Variants in TENM3 observed in about 807,000 individuals in gnomAD.
TENM3 encodes teneurin-3.
A neutral mutation model predicts 255.1 loss-of-function variants in TENM3; 63 were observed. The ratio of observed to expected loss-of-function variants is 0.25; its 90% CI spans 0.20 to 0.30. The LOEUF is 0.30. Among genes scored for constraint, TENM3 ranks in the 10% least tolerant of loss-of-function variants. The pLI is 1.00. For synonymous variants in TENM3, 1,306 were observed against 1,322.3 expected, an observed-to-expected ratio of 0.99 and a Z score of 0.27; for missense variants, 2,929 against 3,461.1, an observed-to-expected ratio of 0.85 and a Z score of 3.86.
At chr4:182,196,440 C>A (rs1015100344) in intron 1 of TENM3, among the ~76,000 whole-genome samples, 2 of 152,062 alleles carry the variant, frequency 1.3e-5, no homozygotes, top group Non-Finnish European at 2.9e-5. Context: ...ATCTGAGAGG[C>A]AGGAAGTGAG....
intron 3 of TENM3, among the ~76,000 whole-genome samples, chr4:182,488,288 G>C (rs1376635616): frequency 6.6e-6 from 1 of 151,968 alleles, no homozygotes; most frequent in Non-Finnish European, 1.5e-5. Flanking sequence ...ATCGAAAGAG[G>C]GTTCTAAAAA....
rs753478790 is a variant in TENM3, at chr4:182,261,728, C to T, written c.-76+18252C>T. On this transcript the variant is annotated intron_variant, in intron 1 of 27. Transcript: ENST00000511685. ...ACCAAGACCACTTTGCTGATGCTCC[C>T]GCTTGCCCAGTCCTAACGCACCAGG... Among the ~76,000 whole-genome samples, 5 of 152,332 alleles carry T rather than the reference C, an allele frequency of 3.3e-5. No individual in the cohort carries two copies. The South Asian group carries it at 6.2e-4, about 19-fold the overall frequency.
At chr4:182,536,432 A>G (rs1740326177) in intron 3 of TENM3, among the ~76,000 whole-genome samples, 2 of 152,250 alleles carry the variant, frequency 1.3e-5, no homozygotes, top group South Asian at 2.1e-4. Context: ...TAGGCATGCC[A>G]TGCTTTTTAG....
At chr4:181,812,685 G>C in the TENM3 span, among the ~76,000 whole-genome samples, 10 of 152,164 alleles carry the variant, frequency 6.6e-5, no homozygotes, top group South Asian at 6.2e-4. Context: ...GGACAGCTGA[G>C]CTGGGGTCTT....
At chr4:182,217,831 A>C (rs1458100050) in intron 1 of TENM3, among the ~76,000 whole-genome samples, 1 of 152,206 alleles carries the variant, frequency 6.6e-6, no homozygotes, top group Non-Finnish European at 1.5e-5. Flanking sequence ...AAAACAATGA[A>C]TAATAATGTT....
chr4:182,621,626 A>T lies in TENM3; in HGVS notation c.750-7025A>T, dbSNP rs1193697022. ...AAAAATATATATAAATATATATATA[A>T]AATATATAATATATAATACATATTA... On this transcript the variant is annotated intron_variant, in intron 4 of 27. Coordinates refer to ENST00000511685, the MANE Select transcript of TENM3 (RefSeq NM_001080477.4). Among the ~76,000 whole-genome samples, 7 of 37,498 alleles carry T rather than the reference A, an allele frequency of 1.9e-4. 1 individual carries two copies. Among genetic ancestry groups the T allele is most frequent in the East Asian group, 1.4e-3 (3 of 2,198 alleles). The allele number at this position is 37,498 out of a possible 152,430, so 24.6% of individuals were successfully genotyped here.
the TENM3 span, among the ~76,000 whole-genome samples, chr4:181,459,267 T>C: frequency 1.3e-5 from 2 of 151,886 alleles, no homozygotes; most frequent in Non-Finnish European, 2.9e-5. Flanking sequence ...TATGGAGTTC[T>C]TTCTATATGT....
chr4:181,984,583 C>G, the TENM3 span, among the ~76,000 whole-genome samples: 1 of 151,648 alleles, frequency 6.6e-6, no homozygotes, highest in African/African-American at 2.4e-5. Context: ...AAAAAAAAAG[C>G]CTTTTGCAAA....
intron 19 of TENM3, among the ~76,000 whole-genome samples, chr4:182,750,368 T>C (rs531040550): frequency 1.3e-5 from 2 of 152,238 alleles, no homozygotes; most frequent in East Asian, 1.9e-4. Flanking sequence ...TATTTCTCTG[T>C]ATACTAACAT....
chr4:182,363,339 A>G (rs534617191), intron 3 of TENM3, among the ~76,000 whole-genome samples: 22 of 152,136 alleles, frequency 1.4e-4, no homozygotes, highest in African/African-American at 5.3e-4. Flanking sequence ...ACATATTCAT[A>G]TATGTGTGTA....
chr4:182,068,999 A>C, the TENM3 span, among the ~76,000 whole-genome samples: 1 of 152,180 alleles, frequency 6.6e-6, no homozygotes, highest in East Asian at 1.9e-4. Flanking sequence ...AAATTAGAAG[A>C]ATATGATAGA....
the TENM3 span, among the ~76,000 whole-genome samples, chr4:182,058,413 G>T: frequency 6.6e-6 from 1 of 152,052 alleles, no homozygotes; most frequent in Non-Finnish European, 1.5e-5. Context: ...TAGGTGATAT[G>T]TTGACTCCAT....
At chr4:181,500,018 T>C in the TENM3 span, among the ~76,000 whole-genome samples, 3 of 151,982 alleles carry the variant, frequency 2.0e-5, no homozygotes, top group South Asian at 2.1e-4. Flanking sequence ...ACTGAAACTT[T>C]TGATGAAACA....
At chr4:182,224,733 A>T (rs546328123) in intron 1 of TENM3, among the ~76,000 whole-genome samples, 40 of 148,706 alleles carry the variant, frequency 2.7e-4, no homozygotes, top group African/African-American at 9.4e-4. Flanking sequence ...TTTCAGTCAG[A>T]TATCTTTTTT....
At chr4:182,516,582 G>A (rs1000380992) in intron 3 of TENM3, among the ~76,000 whole-genome samples, 10 of 152,206 alleles carry the variant, frequency 6.6e-5, no homozygotes, top group South Asian at 2.1e-4. Flanking sequence ...AGTCTGTAAC[G>A]TGTAAGCAGA....
the TENM3 span, among the ~76,000 whole-genome samples, chr4:181,557,752 A>G: frequency 1.3e-5 from 2 of 152,048 alleles, no homozygotes; most frequent in African/African-American, 4.8e-5. Context: ...GCTGGTCTCC[A>G]ACTCCTTAGC....
chr4:182,030,824 A>G, the TENM3 span, among the ~76,000 whole-genome samples: 1,960 of 152,086 alleles, frequency 0.013, 47 homozygotes, highest in African/African-American at 0.044. Context: ...GCGTTTTTTT[A>G]TATGTTTATT....
At chr4:182,233,300 A>G (rs2150026506) in intron 1 of TENM3, among the ~76,000 whole-genome samples, 1 of 152,338 alleles carries the variant, frequency 6.6e-6, no homozygotes, top group Middle Eastern at 3.4e-3. Flanking sequence ...ACATGATCCC[A>G]CACTGGCACT....
chr4:182,380,734 T>G (rs2150918413), intron 3 of TENM3, among the ~76,000 whole-genome samples: 1 of 152,234 alleles, frequency 6.6e-6, no homozygotes, highest in African/African-American at 2.4e-5. Flanking sequence ...CTCACAAAAC[T>G]TACCAGTTTC....
Sources: gnomAD v4.1 joint callset for allele counts (sites outside exome capture counted in the v4.1 genomes callset) on GRCh38, gnomAD v4.1.1 for gene constraint, MANE v1.5 for transcripts, NCBI Gene and HGNC (gene_info 2026-07-23, HGNC 2026-07-21) for gene names.